The following MTMR3 variants were observed in gnomAD, a reference collection of about 807,000 sequenced individuals.
MTMR3 encodes the protein phosphatidylinositol-3,5-bisphosphate 3-phosphatase MTMR3.
MTMR3 carries 32 observed loss-of-function variants against 132.4 expected under a neutral mutation model. The observed-to-expected ratio is 0.24, with a 90% confidence interval of 0.18 to 0.32. The LOEUF is 0.32. Ranked by LOEUF, MTMR3 falls within the 10% of genes least tolerant of loss-of-function variation. The pLI, the probability that MTMR3 is intolerant of heterozygous loss-of-function variation, is 1.00. For synonymous variants in MTMR3, 556 were observed against 550.3 expected, an observed-to-expected ratio of 1.01 and a Z score of -0.14; for missense variants, 1,216 against 1,489.6, an observed-to-expected ratio of 0.82 and a Z score of 3.02.
chr22:29,907,453 C>T (rs1264022978), intron 1 of MTMR3, among the ~76,000 whole-genome samples: 2 of 151,986 alleles, frequency 1.3e-5, no homozygotes, highest in East Asian at 1.9e-4. Flanking sequence ...AAACCCATTA[C>T]TAAAGCTACT....
chr22:29,970,971 C>A lies in MTMR3; in HGVS notation c.-84-5C>A. The A allele has an allele frequency of 8.9e-7, 1 of 1,123,956 alleles. No individual in the cohort carries two copies. The highest frequency in any genetic ancestry group is 1.2e-6 in the Non-Finnish European group (1 of 815,064). The allele number at this position is 1,123,956 out of a possible 1,614,324, so 69.6% of individuals were successfully genotyped here. On this transcript the variant is annotated splice_region_variant and splice_polypyrimidine_tract_variant and intron_variant, in intron 2 of 19. Transcript: ENST00000401950. ...CTTCTTCCCCCTCTTCCCCCCCACC[C>A]CCAGACTTCACCATAAGGGAAAGAA...
chr22:29,916,327 C>T (rs1456262509), intron 1 of MTMR3, among the ~76,000 whole-genome samples: 1 of 152,140 alleles, frequency 6.6e-6, no homozygotes, highest in Non-Finnish European at 1.5e-5. Flanking sequence ...TGCCTACCCT[C>T]GTGAAATCTC....
intron 1 of MTMR3, among the ~76,000 whole-genome samples, chr22:29,949,147 C>CGAGG (rs1569019854): frequency 2.3e-3 from 47 of 20,528 alleles, no homozygotes; most frequent in African/African-American, 8.0e-3. Flanking sequence ...ACACACACCC[C>CGAGG]CCCCCCCCCC....
intron 1 of MTMR3, among the ~76,000 whole-genome samples, chr22:29,900,416 G>T (rs1396265529): frequency 6.6e-6 from 1 of 152,052 alleles, no homozygotes; most frequent in African/African-American, 2.4e-5. Context: ...TGCTAAATAG[G>T]TCTTTATTTA....
At chr22:29,953,383 C>T (rs1243607132) in intron 1 of MTMR3, among the ~76,000 whole-genome samples, 2 of 152,146 alleles carry the variant, frequency 1.3e-5, no homozygotes, top group Non-Finnish European at 1.5e-5. Flanking sequence ...ATTGGTGTGC[C>T]TCTTTGCCCT....
At chr22:29,909,165 T>C (rs2065159532) in intron 1 of MTMR3, among the ~76,000 whole-genome samples, 1 of 152,064 alleles carries the variant, frequency 6.6e-6, no homozygotes, top group Non-Finnish European at 1.5e-5. Context: ...TATTGCCGTA[T>C]TGCCCAGACT....
chr22:30,018,598 C>T (rs1399482594), intron 16 of MTMR3: 1 of 152,962 alleles, frequency 6.5e-6, no homozygotes, highest in Admixed American at 6.5e-5. Flanking sequence ...AAAAACTAAC[C>T]AAGCGTGGTG....
At chr22:29,979,799 A>G (rs1277552215) in intron 5 of MTMR3, 1 of 152,272 alleles carries the variant, frequency 6.6e-6, no homozygotes, top group Non-Finnish European at 1.5e-5. Context: ...GGTTACTCTA[A>G]TGACTCCTTG....
chr22:30,019,727 G>A lies in MTMR3; in HGVS notation c.2068G>A (p.Glu690Lys), dbSNP rs762820126. 6.2e-7 allele frequency: 1 copy of A among 1,614,246 alleles called. No homozygotes were observed. The highest frequency in any genetic ancestry group is 1.1e-5 in the South Asian group (1 of 91,088). Residue 690 changes from glutamate (E) to lysine (K), a missense_variant, in exon 17 of 20, where the codon GAG (glutamate) becomes AAG (lysine). Glu to Lys is a moderately conservative substitution (Grantham distance 56, BLOSUM62 1). Coordinates refer to ENST00000401950, the MANE Select transcript of MTMR3 (RefSeq NM_021090.4). The part of the protein sequence containing the change: ...VAAGVAEGQM[E>K]NILQEATKEE... ...AGCCGGAGTAGCTGAGGGGCAGATG[G>A]AGAACATCTTGCAGGAGGCCACCAA...
At chr22:29,949,138 CACACA>C (rs1425558925) in intron 1 of MTMR3, among the ~76,000 whole-genome samples, 133 of 35,768 alleles carry the variant, frequency 3.7e-3, no homozygotes, top group African/African-American at 0.015. Flanking sequence ...CACACACACA[CACACA>C]CCCCCCCCCC....
chr22:29,936,956 G>A (rs2145802382), intron 1 of MTMR3, among the ~76,000 whole-genome samples: 1 of 152,234 alleles, frequency 6.6e-6, no homozygotes, highest in South Asian at 2.1e-4. Context: ...AGGAGAATTT[G>A]ATCCTGGAGA....
At chr22:29,925,953 A>G (rs1183269419) in intron 1 of MTMR3, among the ~76,000 whole-genome samples, 2 of 152,166 alleles carry the variant, frequency 1.3e-5, no homozygotes, top group African/African-American at 2.4e-5. Context: ...ATACAATGTA[A>G]TGATTTTGGG....
At chr22:29,912,538 A>G (rs2145750738) in intron 1 of MTMR3, among the ~76,000 whole-genome samples, 1 of 152,296 alleles carries the variant, frequency 6.6e-6, no homozygotes, top group East Asian at 1.9e-4. Flanking sequence ...AGCCTCCCAA[A>G]GTGCTAGGAG....
intron 2 of MTMR3, among the ~76,000 whole-genome samples, chr22:29,966,295 A>T (rs1488864420): frequency 2.0e-5 from 3 of 152,192 alleles, no homozygotes; most frequent in Non-Finnish European, 4.4e-5. Flanking sequence ...ATATCATCAG[A>T]TATTTAGTAT....
chr22:30,018,177 A>G (rs2067647620), intron 16 of MTMR3, 105 bp downstream of exon 16: 1 of 1,271,526 alleles, frequency 7.9e-7, no homozygotes. Context: ...CTGGCTCCAC[A>G]GTATCTTTCT....
chr22:29,966,894 T>C (rs138343506), intron 2 of MTMR3, among the ~76,000 whole-genome samples: 88 of 152,164 alleles, frequency 5.8e-4, no homozygotes, highest in African/African-American at 2.0e-3. Flanking sequence ...AGCTAGTGAG[T>C]CTCTTCAAAT....
chr22:30,012,552 C>G lies in MTMR3; in HGVS notation c.1306C>G (p.Arg436Gly). Residue 436 changes from arginine (R) to glycine (G), a missense_variant, in exon 13 of 20, where the codon CGA becomes GGA. By Grantham distance (125) the Arg-to-Gly change is moderately radical. Transcript: ENST00000401950. ...TAAGCTCTTGCTGGACCCTTATTACCGAACCATAGAGGTGAGCCCATCCAA... is the reference window on the plus strand; with the variant it reads ...TAAGCTCTTGCTGGACCCTTATTACGGAACCATAGAGGTGAGCCCATCCAA... ...LAKLLLDPYY[R>G]TIEGFQVLVE... 2 of 1,611,552 alleles carry G rather than the reference C, an allele frequency of 1.2e-6. No homozygotes were observed. The highest frequency in any genetic ancestry group is 1.7e-6 in the Non-Finnish European group (2 of 1,179,152).
At chr22:30,003,025 C>G (rs2067206744) in intron 9 of MTMR3, 32 bp downstream of exon 9, 1 of 1,537,720 alleles carries the variant, frequency 6.5e-7, no homozygotes, top group African/African-American at 1.4e-5. Flanking sequence ...CCAGCTTGGG[C>G]TGGTGCTGCT....
At chr22:29,948,402 A>G in intron 1 of MTMR3, among the ~76,000 whole-genome samples, 1 of 152,220 alleles carries the variant, frequency 6.6e-6, no homozygotes, top group East Asian at 1.9e-4. Flanking sequence ...ATTCAAAATA[A>G]AACATTCTTA....
Sources: allele counts gnomAD v4.1 joint callset (sites outside exome capture counted in the v4.1 genomes callset), GRCh38; gene constraint gnomAD v4.1.1; transcripts MANE v1.5; gene names NCBI Gene and HGNC (gene_info 2026-07-23, HGNC 2026-07-21).